Variants in AP1S3 observed in about 807,000 individuals in gnomAD.
AP1S3 encodes the protein adaptor related protein complex 1 subunit sigma 3.
A neutral mutation model predicts 20.9 loss-of-function variants in AP1S3; 10 were observed. That is an observed-to-expected ratio of 0.48 (90% CI 0.29 to 0.81). The LOEUF (loss-of-function observed/expected upper bound fraction) is 0.81. AP1S3 is among the 30% of genes least tolerant of loss of function. The pLI, the probability that AP1S3 is intolerant of heterozygous loss-of-function variation, is 0.08. For synonymous variants in AP1S3, 41 were observed against 61.5 expected, an observed-to-expected ratio of 0.67 and a Z score of 1.56; for missense variants, 154 against 183.8, an observed-to-expected ratio of 0.84 and a Z score of 0.94.
At chr2:223,790,630 A>G (rs4404259) in intron 1 of AP1S3, among the ~76,000 whole-genome samples, 18,002 of 152,126 alleles carry the variant, frequency 0.12, 1,361 homozygotes, top group East Asian at 0.25. Context: ...AGAGTAATAC[A>G]CTTTAATATA....
intron 1 of AP1S3, among the ~76,000 whole-genome samples, chr2:223,814,086 C>T (rs1691793018): frequency 6.6e-6 from 1 of 152,182 alleles, no homozygotes; most frequent in Non-Finnish European, 1.5e-5. Flanking sequence ...GTCAGATGTG[C>T]CCCAATATTT....
At chr2:223,769,071 A>G (rs1185184347) in intron 3 of AP1S3, among the ~76,000 whole-genome samples, 3 of 152,194 alleles carry the variant, frequency 2.0e-5, no homozygotes, top group Admixed American at 6.5e-5. Flanking sequence ...AATGAATCCA[A>G]CTTCCATACA....
At chr2:223,776,121 C>G (rs758753737) in intron 2 of AP1S3, 112 bp from the exon 3 acceptor site, 1 of 764,262 alleles carries the variant, frequency 1.3e-6, no homozygotes, top group Non-Finnish European at 2.3e-6. Flanking sequence ...TCTCCTCATC[C>G]AAGAATGAAA....
chr2:223,817,273 A>G (rs1414487836), intron 1 of AP1S3, among the ~76,000 whole-genome samples: 1 of 152,110 alleles, frequency 6.6e-6, no homozygotes, highest in African/African-American at 2.4e-5. Flanking sequence ...CTGAAGAAAG[A>G]TGTGTTAACA....
At chr2:223,806,455 T>A (rs1215641786) in intron 1 of AP1S3, among the ~76,000 whole-genome samples, 1 of 151,832 alleles carries the variant, frequency 6.6e-6, no homozygotes, top group Admixed American at 6.6e-5. Flanking sequence ...GGCTAATTTT[T>A]TCATATTTTT....
At chr2:223,770,497 TACACACACACAC>T (rs58486635) in intron 3 of AP1S3, among the ~76,000 whole-genome samples, 1 of 141,640 alleles carries the variant, frequency 7.1e-6, no homozygotes, top group Non-Finnish European at 1.5e-5. Context: ...AGAGAGACAA[TACACACACACAC>T]ACACACACAC....
intron 1 of AP1S3, among the ~76,000 whole-genome samples, chr2:223,800,080 T>A (rs537802131): frequency 3.1e-4 from 47 of 150,316 alleles, no homozygotes; most frequent in African/African-American, 1.1e-3. Flanking sequence ...CCAGGCATGG[T>A]GGCACACACC....
intron 1 of AP1S3, among the ~76,000 whole-genome samples, chr2:223,791,965 A>T (rs1349101632): frequency 6.6e-6 from 1 of 151,616 alleles, no homozygotes; most frequent in East Asian, 1.9e-4. Flanking sequence ...CTAGGAATAC[A>T]GCTAACAAAA....
chr2:223,809,403 G>A (rs1044609972), intron 1 of AP1S3, among the ~76,000 whole-genome samples: 4 of 152,070 alleles, frequency 2.6e-5, no homozygotes, highest in African/African-American at 7.2e-5. Context: ...CCAGCACTTC[G>A]GGAGGCCAAG....
At chr2:223,779,955 G>C (rs972838324) in intron 1 of AP1S3, among the ~76,000 whole-genome samples, 1 of 151,720 alleles carries the variant, frequency 6.6e-6, no homozygotes. Flanking sequence ...CAACAAGAGC[G>C]AAACTCCGTC....
intron 1 of AP1S3, among the ~76,000 whole-genome samples, chr2:223,779,257 G>A (rs969312041): frequency 1.3e-5 from 2 of 152,150 alleles, no homozygotes; most frequent in African/African-American, 2.4e-5. Context: ...GAAAACCTTG[G>A]AAGGTACAGT....
intron 1 of AP1S3, among the ~76,000 whole-genome samples, chr2:223,823,533 G>A (rs1692044339): frequency 6.6e-6 from 1 of 152,154 alleles, no homozygotes; most frequent in Admixed American, 6.5e-5. Flanking sequence ...ATCAAAGAAA[G>A]ATGAAGTCAT....
intron 4 of AP1S3, among the ~76,000 whole-genome samples, chr2:223,764,449 G>A (rs950051686): frequency 6.6e-6 from 1 of 152,034 alleles, no homozygotes; most frequent in Non-Finnish European, 1.5e-5. Context: ...GCTGATGTAG[G>A]TAAGTTCCCT....
intron 1 of AP1S3, among the ~76,000 whole-genome samples, chr2:223,778,186 C>T (rs1574696098): frequency 7.9e-6 from 1 of 125,956 alleles, no homozygotes; most frequent in Non-Finnish European, 1.6e-5. Context: ...AGTGCAGTGG[C>T]GCGGTCTCAG....
At chr2:223,778,128 G>A (rs1347408930) in intron 1 of AP1S3, among the ~76,000 whole-genome samples, 1 of 149,134 alleles carries the variant, frequency 6.7e-6, no homozygotes, top group African/African-American at 2.5e-5. Flanking sequence ...TTGTTTGTTT[G>A]TTTGTTTGTT....
chr2:223,832,110 G>T (rs1208748701), intron 1 of AP1S3, among the ~76,000 whole-genome samples: 2 of 148,342 alleles, frequency 1.3e-5, no homozygotes, highest in Admixed American at 6.8e-5. Flanking sequence ...GACTTATTCT[G>T]GGGATTATTA....
chr2:223,786,039 AGACTCTACAT>A (rs1416044188), intron 1 of AP1S3, among the ~76,000 whole-genome samples: 29 of 152,276 alleles, frequency 1.9e-4, no homozygotes, highest in South Asian at 1.2e-3. Context: ...ATAATGGGAG[AGACTCTACAT>A]GTGTTGGGGC....
At chr2:223,787,564 A>C (rs754051573) in intron 1 of AP1S3, among the ~76,000 whole-genome samples, 2 of 152,234 alleles carry the variant, frequency 1.3e-5, no homozygotes, top group Non-Finnish European at 2.9e-5. Flanking sequence ...AAGAGAAACC[A>C]GATAGGTCTC....
At chr2:223,774,236 G>A (rs1690705897) in intron 3 of AP1S3, among the ~76,000 whole-genome samples, 1 of 152,070 alleles carries the variant, frequency 6.6e-6, no homozygotes, top group Non-Finnish European at 1.5e-5. Flanking sequence ...ATGGTGGCGG[G>A]GGCCCGTAAA....
Sources: gnomAD v4.1 joint callset for allele counts (sites outside exome capture counted in the v4.1 genomes callset) on GRCh38, gnomAD v4.1.1 for gene constraint, MANE v1.5 for transcripts, NCBI Gene and HGNC (gene_info 2026-07-23, HGNC 2026-07-21) for gene names.